Variants in GOLGB1 observed in about 807,000 individuals in gnomAD.
GOLGB1 encodes golgin B1.
Under a neutral mutation model 336.9 loss-of-function variants are expected in GOLGB1, and 174 were observed. The observed-to-expected ratio is 0.52, with a 90% CI of 0.46 to 0.59. The LOEUF (loss-of-function observed/expected upper bound fraction) is 0.59. GOLGB1 is among the 20% of genes least tolerant of loss of function. GOLGB1 has a pLI of 0.00. For missense variants in GOLGB1, 3,331 were observed against 3,645.3 expected (o/e 0.91, Z 2.22); for synonymous variants, 1,208 against 1,289.2 (o/e 0.94, Z 1.35).
rs568171546 is a variant in GOLGB1 at position 121,670,758 on chromosome 3, G to C, written c.9178-1403C>G. Among the ~76,000 whole-genome samples the C allele has an allele frequency of 7.4e-4, 111 of 149,452 alleles. 2 individuals are homozygous for C. The highest frequency in any genetic ancestry group is 3.1e-3 in the East Asian group (15 of 4,912). ...AGAAAATCATAGGGTTTTCTTTTGG[G>C]GGGGGGGGTGTGGGAGGAGGTGGGA... On this transcript the variant is annotated intron_variant, in intron 17 of 21. Transcript: ENST00000614479.
intron 1 of GOLGB1, among the ~76,000 whole-genome samples, chr3:121,745,398 A>G (rs1947194267): frequency 1.5e-5 from 1 of 66,392 alleles, no homozygotes; most frequent in African/African-American, 6.9e-5. Context: ...ACATATGTAC[A>G]CGTGTATGTA....
intron 1 of GOLGB1, among the ~76,000 whole-genome samples, chr3:121,739,048 G>A (rs931521033): frequency 1.1e-4 from 17 of 152,102 alleles, no homozygotes; most frequent in African/African-American, 2.9e-4. Context: ...GATCACTTGA[G>A]CCTAGGAGTT....
chr3:121,744,354 C>T (rs1216766745), intron 1 of GOLGB1, among the ~76,000 whole-genome samples: 3 of 149,930 alleles, frequency 2.0e-5, no homozygotes, highest in Non-Finnish European at 4.4e-5. Context: ...CGCCTGTAAT[C>T]CCAGCACCTT....
intron 18 of GOLGB1, 48 bp downstream of exon 18, chr3:121,669,164 C>T: frequency 1.2e-6 from 2 of 1,601,360 alleles, no homozygotes; most frequent in Non-Finnish European, 1.7e-6. Flanking sequence ...ACCACTTGCA[C>T]TAAATTTCAT....
intron 4 of GOLGB1, among the ~76,000 whole-genome samples, chr3:121,727,497 T>C (rs1945768128): frequency 1.3e-5 from 2 of 151,468 alleles, no homozygotes; most frequent in Admixed American, 6.6e-5. Flanking sequence ...TTGACAGCTT[T>C]TATTCTGAGG....
chr3:121,694,079 C>T lies in GOLGB1; in HGVS notation c.6444G>A (p.Glu2148=). 6.2e-7 allele frequency: 1 copy of T among 1,614,028 alleles called. No individual in the cohort carries two copies. Among genetic ancestry groups the T allele is most frequent in the Non-Finnish European group, 8.5e-7 (1 of 1,179,936 alleles). ...KHLKEKKNMQ[E]KLDALRREKV... ...TTTCTCTGCGCAAAGCATCCAGTTT[C>T]TCTTGCATATTCTTCTTCTCTTTCA... Residue 2148 remains glutamate (E), a synonymous_variant, in exon 13 of 22, where the codon GAG becomes GAA. Transcript: ENST00000614479.
At chr3:121,693,535 G>C (rs1453231850) in intron 13 of GOLGB1, among the ~76,000 whole-genome samples, 3 of 152,146 alleles carry the variant, frequency 2.0e-5, no homozygotes, top group Non-Finnish European at 2.9e-5. Context: ...AGAAAGATGG[G>C]AAGAGAAGAT....
At chr3:121,708,496 G>T (rs1488652872) in intron 10 of GOLGB1, among the ~76,000 whole-genome samples, 1 of 151,980 alleles carries the variant, frequency 6.6e-6, no homozygotes, top group African/African-American at 2.4e-5. Context: ...TGCCAGGCAT[G>T]GTGGCACATG....
chr3:121,700,155 G>A (rs779404343), intron 11 of GOLGB1, among the ~76,000 whole-genome samples: 1 of 152,000 alleles, frequency 6.6e-6, no homozygotes, highest in Non-Finnish European at 1.5e-5. Flanking sequence ...CAGGATGCAG[G>A]ACATAAAGCA....
chr3:121,721,112 A>G (rs1246376368), intron 6 of GOLGB1, among the ~76,000 whole-genome samples: 3 of 152,228 alleles, frequency 2.0e-5, no homozygotes, highest in Non-Finnish European at 4.4e-5. Flanking sequence ...AATAAAAAAT[A>G]AATAAAAAAT....
At chr3:121,715,628 T>A (rs1944702579) in intron 9 of GOLGB1, among the ~76,000 whole-genome samples, 1 of 152,122 alleles carries the variant, frequency 6.6e-6, no homozygotes, top group South Asian at 2.1e-4. Flanking sequence ...TTCCACCACA[T>A]GGTTTTAAAC....
At chr3:121,683,053 A>ATTTTTTTTTT (rs746649684) in intron 14 of GOLGB1, among the ~76,000 whole-genome samples, 4,844 of 82,326 alleles carry the variant, frequency 0.059, 695 homozygotes, top group Non-Finnish European at 0.094. Flanking sequence ...ATTTCTTTTA[A>ATTTTTTTTTT]TTTTTTTTTT....
At chr3:121,743,381 G>C (rs184353160) in intron 1 of GOLGB1, among the ~76,000 whole-genome samples, 2 of 152,138 alleles carry the variant, frequency 1.3e-5, no homozygotes, top group Non-Finnish European at 2.9e-5. Flanking sequence ...ATCAAACACC[G>C]CATGTTCTCA....
chr3:121,748,948 A>G, intron 1 of GOLGB1: 1 of 984,512 alleles, frequency 1.0e-6, no homozygotes. Flanking sequence ...ACACCATCAA[A>G]CCAAGTTATT....
intron 8 of GOLGB1, among the ~76,000 whole-genome samples, chr3:121,717,518 A>G (rs1560286868): frequency 6.6e-6 from 1 of 152,244 alleles, no homozygotes; most frequent in African/African-American, 2.4e-5. Context: ...AACATACTAG[A>G]GAAGCAAAGT....
intron 10 of GOLGB1, among the ~76,000 whole-genome samples, chr3:121,704,364 G>A (rs549742480): frequency 5.9e-5 from 9 of 152,126 alleles, no homozygotes; most frequent in African/African-American, 2.2e-4. Context: ...TAAAAGGAAA[G>A]TCTTAAAATT....
At chr3:121,744,200 T>C (rs1288419022) in intron 1 of GOLGB1, among the ~76,000 whole-genome samples, 2 of 152,166 alleles carry the variant, frequency 1.3e-5, no homozygotes, top group Non-Finnish European at 2.9e-5. Context: ...CCACTTTATA[T>C]ACTCTTTAAT....
At chr3:121,672,445 T>G (rs1325249590) in intron 17 of GOLGB1, among the ~76,000 whole-genome samples, 3 of 152,242 alleles carry the variant, frequency 2.0e-5, no homozygotes, top group Non-Finnish European at 4.4e-5. Context: ...GAAACGTCTA[T>G]TCAGATCTTT....
chr3:121,696,184 G>A lies in GOLGB1; in HGVS notation c.4339C>T (p.Gln1447Ter). ...TGCTCTTTGGCTTGCATTTCTAGCT[G>A]TGTATGCAGAGCCTTAATTAAATCT... ...QEDLIKALHT[Q>*]LEMQAKEHDE... is the part of the protein sequence containing the mutation. The change falls in exon 13 of 22, where the codon CAG (glutamine) becomes TAG (stop). Residue 1447 changes from glutamine to a stop codon, truncating the protein, a stop_gained. Coordinates refer to ENST00000614479, the MANE Select transcript of GOLGB1 (RefSeq NM_001366282.2). LOFTEE classifies it high-confidence loss of function. 1 of 1,614,016 alleles carries A rather than the reference G, an allele frequency of 6.2e-7. No homozygotes were observed. Among genetic ancestry groups the A allele is most frequent in the Non-Finnish European group, 8.5e-7 (1 of 1,179,942 alleles).
Sources: allele counts gnomAD v4.1 joint callset (sites outside exome capture counted in the v4.1 genomes callset), GRCh38; gene constraint gnomAD v4.1.1; transcripts MANE v1.5; gene names NCBI Gene and HGNC (gene_info 2026-07-23, HGNC 2026-07-21).